Variants in RNF150 observed in about 807,000 individuals in gnomAD.
The protein encoded by RNF150 is ring finger protein 150.
In RNF150, 24 loss-of-function variants were observed where a neutral mutation model predicts 39.3. That is an observed-to-expected ratio of 0.61 (90% confidence interval 0.44 to 0.86). The LOEUF (loss-of-function observed/expected upper bound fraction) is 0.86, where lower values mean the gene tolerates loss of function less well. Ranked by LOEUF, RNF150 falls within the 40% of genes least tolerant of loss-of-function variation. RNF150 has a pLI of 0.00. For synonymous variants in RNF150, 255 were observed against 227.3 expected (o/e 1.12, Z -1.10); for missense variants, 502 against 587.8 (o/e 0.85, Z 1.51).
chr4:141,048,246 A>G (rs1736654316), intron 1 of RNF150, among the ~76,000 whole-genome samples: 2 of 152,242 alleles, frequency 1.3e-5, no homozygotes. Context: ...GGGAAGAAGT[A>G]CAGGATGATT....
chr4:141,106,068 T>C (rs558488799), intron 1 of RNF150, among the ~76,000 whole-genome samples: 6 of 152,350 alleles, frequency 3.9e-5, no homozygotes, highest in African/African-American at 1.4e-4. Flanking sequence ...AAATAAACTG[T>C]TTCCTTTTCT....
intron 4 of RNF150, among the ~76,000 whole-genome samples, chr4:140,929,654 C>T (rs1467905589): frequency 1.3e-5 from 2 of 152,076 alleles, no homozygotes; most frequent in African/African-American, 4.8e-5. Context: ...GCGTGAGACA[C>T]CGTGCCCGGC....
intron 2 of RNF150, among the ~76,000 whole-genome samples, chr4:140,963,165 A>G (rs1733105606): frequency 1.3e-5 from 2 of 152,182 alleles, no homozygotes; most frequent in Non-Finnish European, 2.9e-5. Context: ...ATCAGATATA[A>G]GCAATAAAAA....
chr4:141,066,629 T>C (rs1392529601), intron 1 of RNF150, among the ~76,000 whole-genome samples: 1 of 152,218 alleles, frequency 6.6e-6, no homozygotes, highest in African/African-American at 2.4e-5. Context: ...GCTGACGATA[T>C]TTCTACAAAT....
chr4:140,949,685 A>G, intron 2 of RNF150, among the ~76,000 whole-genome samples: 1 of 42,730 alleles, frequency 2.3e-5, no homozygotes. Context: ...CCCCCCCCCA[A>G]AAAAAAATGA....
At chr4:141,030,219 A>G in intron 1 of RNF150, among the ~76,000 whole-genome samples, 1 of 151,996 alleles carries the variant, frequency 6.6e-6, no homozygotes, top group East Asian at 1.9e-4. Flanking sequence ...AGTATCAGTA[A>G]TCACTAGAGA....
intron 6 of RNF150, among the ~76,000 whole-genome samples, chr4:140,869,635 G>T (rs1271331530): frequency 6.6e-6 from 1 of 152,166 alleles, no homozygotes. Flanking sequence ...GATGTACCAG[G>T]TATTACAGGA....
chr4:141,102,697 A>G (rs1297816092), intron 1 of RNF150, among the ~76,000 whole-genome samples: 1 of 151,570 alleles, frequency 6.6e-6, no homozygotes, highest in Non-Finnish European at 1.5e-5. Context: ...GATAATTCAC[A>G]AGGGCGGGCT....
At chr4:141,034,076 G>C (rs1578653788) in intron 1 of RNF150, among the ~76,000 whole-genome samples, 1 of 152,166 alleles carries the variant, frequency 6.6e-6, no homozygotes, top group African/African-American at 2.4e-5. Context: ...GAAGGTCCTA[G>C]ATGGCACTTT....
At position 140,866,007 on chromosome 4, in the gene RNF150, T is replaced by C. The variant is rs1243676349; in HGVS notation, c.*2254A>G. On this transcript the variant is annotated 3_prime_UTR_variant, in exon 7 of 7. Transcript: ENST00000515673. ...ATGCTGACTGTGAAAAATAAACACC[T>C]CTGAGATCAAGAATCCCACAGTGAG... The C allele has an allele frequency of 2.0e-5, 3 of 152,188 alleles. No individual in the cohort carries two copies. Among genetic ancestry groups the C allele is most frequent in the Non-Finnish European group, 4.4e-5 (3 of 68,036 alleles). The allele number at this position is 152,188 out of a possible 1,614,324, so 9.4% of individuals were successfully genotyped here. A position where few individuals can be genotyped will look rare whatever the true frequency, so the allele number is the denominator to read the frequency against.
At chr4:141,125,703 T>C (rs1035321637) in intron 1 of RNF150, among the ~76,000 whole-genome samples, 1 of 152,202 alleles carries the variant, frequency 6.6e-6, no homozygotes, top group Non-Finnish European at 1.5e-5. Context: ...CACTGTTTTC[T>C]GAAAACTGGA....
intron 1 of RNF150, among the ~76,000 whole-genome samples, chr4:141,119,233 C>T (rs981894067): frequency 6.6e-6 from 1 of 152,224 alleles, no homozygotes. Context: ...GGTCATTTGC[C>T]GTTTGCTATT....
chr4:140,896,712 AC>A (rs11280352), intron 6 of RNF150, among the ~76,000 whole-genome samples: 44,613 of 115,604 alleles, frequency 0.39, 7,851 homozygotes, highest in East Asian at 0.58. Flanking sequence ...AAAAAAACAA[AC>A]AAACAAACAA....
chr4:140,903,573 A>T (rs1246566143), intron 6 of RNF150, among the ~76,000 whole-genome samples: 1 of 152,206 alleles, frequency 6.6e-6, no homozygotes, highest in South Asian at 2.1e-4. Context: ...ATCCATGCAC[A>T]GTGTGTCAGT....
chr4:141,144,504 A>G (rs1727170005), intron 1 of RNF150, among the ~76,000 whole-genome samples: 1 of 152,170 alleles, frequency 6.6e-6, no homozygotes, highest in Non-Finnish European at 1.5e-5. Flanking sequence ...AGAGATCGTG[A>G]ATTCTATGCA....
At chr4:141,034,695 G>A (rs2110837202) in intron 1 of RNF150, among the ~76,000 whole-genome samples, 1 of 152,144 alleles carries the variant, frequency 6.6e-6, no homozygotes, top group South Asian at 2.1e-4. Context: ...ATATTTTTGG[G>A]TCTCAAGGAA....
chr4:141,148,662 A>C (rs1727243214), intron 1 of RNF150, among the ~76,000 whole-genome samples: 1 of 152,140 alleles, frequency 6.6e-6, no homozygotes, highest in Non-Finnish European at 1.5e-5. Flanking sequence ...GCTGATCTCA[A>C]ACTCCTGACC....
At chr4:141,124,385 T>C (rs1039709) in intron 1 of RNF150, among the ~76,000 whole-genome samples, 150,368 of 152,310 alleles carry the variant, frequency 0.99, 74,263 homozygotes, top group Middle Eastern at 1. Flanking sequence ...GAAGAGTAGC[T>C]TGGGAGTGCC....
At chr4:141,144,130 C>G (rs2660438) in intron 1 of RNF150, among the ~76,000 whole-genome samples, 1 of 116,676 alleles carries the variant, frequency 8.6e-6, no homozygotes, top group Non-Finnish European at 1.8e-5. Flanking sequence ...GGAAAAAAAA[C>G]CCACAAAACT....
Sources: gnomAD v4.1 joint callset for allele counts (sites outside exome capture counted in the v4.1 genomes callset) on GRCh38, gnomAD v4.1.1 for gene constraint, MANE v1.5 for transcripts, NCBI Gene and HGNC (gene_info 2026-07-23, HGNC 2026-07-21) for gene names.